FBXL7: variants seen among roughly 807,000 people sequenced by gnomAD.
FBXL7 encodes F-box/LRR-repeat protein 7.
Under a neutral mutation model 38.3 loss-of-function variants are expected in FBXL7, and 12 were observed. That is an observed-to-expected ratio of 0.31 (90% CI 0.20 to 0.51). FBXL7 has a LOEUF of 0.51. Among genes scored for constraint, FBXL7 ranks in the 20% least tolerant of loss-of-function variants. The pLI is 0.98. For synonymous variants in FBXL7, 297 were observed against 300.9 expected (o/e 0.99, Z 0.13); for missense variants, 567 against 676.4 (o/e 0.84, Z 1.79).
intron 1 of FBXL7, among the ~76,000 whole-genome samples, chr5:15,515,791 A>G (rs776262058): frequency 6.6e-6 from 1 of 152,224 alleles, no homozygotes; most frequent in Non-Finnish European, 1.5e-5. Context: ...ATCATAAGCA[A>G]GATGAAAAAT....
chr5:15,874,461 G>A (rs186189644), intron 2 of FBXL7, among the ~76,000 whole-genome samples: 2 of 152,138 alleles, frequency 1.3e-5, no homozygotes, highest in South Asian at 2.1e-4. Context: ...CAAATAGGAA[G>A]AGATGAAGTC....
chr5:15,773,530 CCAG>C (rs1326167152), intron 2 of FBXL7, among the ~76,000 whole-genome samples: 1 of 151,754 alleles, frequency 6.6e-6, no homozygotes, highest in African/African-American at 2.4e-5. Flanking sequence ...GCATATGGTC[CCAG>C]CTACTCAAGG....
intron 2 of FBXL7, among the ~76,000 whole-genome samples, chr5:15,633,142 GAGA>G (rs763406739): frequency 2.6e-5 from 4 of 152,300 alleles, no homozygotes; most frequent in Admixed American, 1.3e-4. Flanking sequence ...GGAAAAAGAT[GAGA>G]AGGACATATT....
intron 1 of FBXL7, among the ~76,000 whole-genome samples, chr5:15,552,618 C>T (rs1342330637): frequency 6.6e-6 from 1 of 152,188 alleles, no homozygotes; most frequent in African/African-American, 2.4e-5. Context: ...GGCCTTCAGG[C>T]CCTGGGCTAT....
intron 2 of FBXL7, among the ~76,000 whole-genome samples, chr5:15,879,338 C>T (rs1740346333): frequency 6.6e-6 from 1 of 152,080 alleles, no homozygotes; most frequent in Non-Finnish European, 1.5e-5. Context: ...TACCAGACGC[C>T]AGGATAGCCT....
At chr5:15,672,557 CT>C (rs35987843) in intron 2 of FBXL7, among the ~76,000 whole-genome samples, 22,893 of 134,846 alleles carry the variant, frequency 0.17, 1,483 homozygotes, top group African/African-American at 0.19. Flanking sequence ...TAATCTTTTT[CT>C]TTTTTTTTTT....
intron 2 of FBXL7, among the ~76,000 whole-genome samples, chr5:15,852,248 T>C (rs1739119864): frequency 6.6e-6 from 1 of 152,230 alleles, no homozygotes; most frequent in Non-Finnish European, 1.5e-5. Flanking sequence ...AACCATTGGA[T>C]CTGTCATCTT....
intron 2 of FBXL7, among the ~76,000 whole-genome samples, chr5:15,919,676 A>G (rs1006148780): frequency 2.6e-5 from 4 of 152,224 alleles, no homozygotes; most frequent in Non-Finnish European, 5.9e-5. Flanking sequence ...TGTCAAGAAA[A>G]TATTACATTT....
intron 2 of FBXL7, among the ~76,000 whole-genome samples, chr5:15,844,833 A>G (rs1316829751): frequency 2.6e-5 from 4 of 152,186 alleles, no homozygotes; most frequent in Non-Finnish European, 5.9e-5. Flanking sequence ...TTTCTGTACA[A>G]GGGATAAATC....
chr5:15,851,245 A>G (rs1739085416), intron 2 of FBXL7, among the ~76,000 whole-genome samples: 1 of 152,094 alleles, frequency 6.6e-6, no homozygotes, highest in Admixed American at 6.6e-5. Context: ...TTTTTTCTCT[A>G]TCAAGTACTT....
chr5:15,681,341 G>T (rs977829661), intron 2 of FBXL7, among the ~76,000 whole-genome samples: 7 of 152,170 alleles, frequency 4.6e-5, no homozygotes, highest in Admixed American at 2.6e-4. Flanking sequence ...ATCAGTAGGG[G>T]ACTTTGTTAA....
chr5:15,904,611 A>G (rs1379011864), intron 2 of FBXL7, among the ~76,000 whole-genome samples: 10 of 152,176 alleles, frequency 6.6e-5, no homozygotes, highest in Admixed American at 5.2e-4. Flanking sequence ...AAACAGTCAT[A>G]TTAATAACTA....
At position 15,936,631 on chromosome 5, in the gene FBXL7, C is replaced by T; in HGVS notation, c.921C>T (p.Arg307=). Residue 307 remains arginine (R), a synonymous_variant, in exon 4 of 4, where the codon CGC becomes CGT. Coordinates refer to ENST00000504595, the MANE Select transcript of FBXL7 (RefSeq NM_012304.5). The surrounding 1 kb of genome is among the most constrained non-coding windows in gnomAD (Gnocchi z 6.0). ...AGCTCACCCACCTCTACCTGCGCCG[C>T]TGCGTCCGCCTGACCGACGAAGGCC... ...CTQLTHLYLR[R]CVRLTDEGLR... 6.2e-7 allele frequency: 1 copy of T among 1,609,204 alleles called. No individual in the cohort carries two copies. The highest frequency in any genetic ancestry group is 8.5e-7 in the Non-Finnish European group (1 of 1,179,826).
chr5:15,717,396 T>C (rs1744074652), intron 2 of FBXL7, among the ~76,000 whole-genome samples: 1 of 152,104 alleles, frequency 6.6e-6, no homozygotes, highest in African/African-American at 2.4e-5. Context: ...CCAAAACAAT[T>C]CGAAAGATGT....
intron 1 of FBXL7, among the ~76,000 whole-genome samples, chr5:15,523,552 C>CT (rs1580350877): frequency 6.7e-6 from 1 of 149,314 alleles, no homozygotes; most frequent in African/African-American, 2.5e-5. Flanking sequence ...GAATGAGACT[C>CT]TGTCTCAAAA....
intron 2 of FBXL7, among the ~76,000 whole-genome samples, chr5:15,623,267 C>G (rs1001291295): frequency 6.6e-6 from 1 of 152,296 alleles, no homozygotes; most frequent in East Asian, 1.9e-4. Flanking sequence ...GTAAAAGATT[C>G]TTAACTTTCT....
At position 15,870,295 on chromosome 5, in the gene FBXL7, T is replaced by C. The variant is rs1295495412; in HGVS notation, c.128-57595T>C. 2.0e-5 allele frequency among the ~76,000 whole-genome samples: 3 copies of C among 151,788 alleles called. No homozygotes were observed. In the East Asian group the frequency reaches 5.8e-4, roughly 29 times the overall value. On this transcript the variant is annotated intron_variant, in intron 2 of 3. Transcript: ENST00000504595. Reference sequence around the variant, plus strand: ...TTGCATGGAGATGGGGGTGTGGCAATGTATGAAGAGCAGAGGTTGGTGAGG... The same window carrying C: ...TTGCATGGAGATGGGGGTGTGGCAACGTATGAAGAGCAGAGGTTGGTGAGG...
intron 1 of FBXL7, among the ~76,000 whole-genome samples, chr5:15,554,815 T>G (rs776965912): frequency 1.3e-5 from 2 of 152,194 alleles, no homozygotes; most frequent in African/African-American, 2.4e-5. Flanking sequence ...TAACGTCCCC[T>G]TTCACTCATC....
intron 1 of FBXL7, among the ~76,000 whole-genome samples, chr5:15,597,673 C>T (rs1739664843): frequency 6.6e-6 from 1 of 152,026 alleles, no homozygotes; most frequent in Admixed American, 6.6e-5. Flanking sequence ...CCCTGTTCTT[C>T]CTTTAGACTA....
Sources: gnomAD v4.1 joint callset for allele counts (sites outside exome capture counted in the v4.1 genomes callset) on GRCh38, gnomAD v4.1.1 for gene constraint, Gnocchi (gnomAD v3.1) non-coding constraint, MANE v1.5 for transcripts, NCBI Gene and HGNC (gene_info 2026-07-23, HGNC 2026-07-21) for gene names.